Variants in CDKL5 observed in about 807,000 individuals in gnomAD.
CDKL5 encodes the protein cyclin-dependent kinase-like 5.
In CDKL5, 8 loss-of-function variants were observed where a neutral mutation model predicts 61.7. The ratio of observed to expected loss-of-function variants is 0.13; its 90% CI spans 0.08 to 0.23. The LOEUF (loss-of-function observed/expected upper bound fraction) is 0.23, where lower values mean the gene tolerates loss of function less well. Ranked by LOEUF, CDKL5 falls within the 10% of genes least tolerant of loss-of-function variation. The probability of loss-of-function intolerance (pLI) is 1.00; values close to 1 mark genes in which losing one functional copy is unlikely to be tolerated. For missense variants in CDKL5, 440 were observed against 734.5 expected, an observed-to-expected ratio of 0.60 and a Z score of 4.63; for synonymous variants, 275 against 272.3, an observed-to-expected ratio of 1.01 and a Z score of -0.10.
intron 3 of CDKL5, among the ~76,000 whole-genome samples, chrX:18,555,257 G>A (rs1447202678): frequency 9.0e-6 from 1 of 110,841 alleles, no homozygotes; most frequent in Non-Finnish European, 1.9e-5. Flanking sequence ...CAGATGTCTT[G>A]GGGGGAGCAC....
intron 1 of CDKL5, among the ~76,000 whole-genome samples, chrX:18,480,314 A>G (rs1475086073): frequency 9.0e-6 from 1 of 111,360 alleles, no homozygotes; most frequent in Admixed American, 9.6e-5. Flanking sequence ...TTGTGATTAG[A>G]CTGGTGTTGC....
intron 15 of CDKL5, among the ~76,000 whole-genome samples, chrX:18,618,145 A>C (rs1341441449): frequency 8.9e-6 from 1 of 112,212 alleles, no homozygotes; most frequent in East Asian, 2.8e-4. Flanking sequence ...GATGGCAGTC[A>C]TGATGAATAT....
At chrX:18,617,930 A>G (rs1212655525) in intron 15 of CDKL5, among the ~76,000 whole-genome samples, 2 of 111,617 alleles carry the variant, frequency 1.8e-5, no homozygotes, top group African/African-American at 6.5e-5. Flanking sequence ...TGGGGACCCA[A>G]CGATGCAACA....
chrX:18,637,716 C>T lies in CDKL5; in HGVS notation c.*8959C>T, dbSNP rs1413322997. 9.0e-6 allele frequency: 1 copy of T among 111,497 alleles called. No homozygotes were observed. Among genetic ancestry groups the T allele is most frequent in the East Asian group, 2.8e-4 (1 of 3,560 alleles). 9.2% of individuals were successfully genotyped at this position (111,497 alleles called of 1,213,427 possible). On this transcript the variant is annotated 3_prime_UTR_variant, in exon 18 of 18. Coordinates refer to ENST00000623535, the MANE Select transcript of CDKL5 (RefSeq NM_001323289.2). ...AAATGGAGGTAATCACAGTACCTAC[C>T]TCAGTGTTGTTGTGAAGATTTAATG...
chrX:18,526,709 A>G (rs1378849875), intron 3 of CDKL5, among the ~76,000 whole-genome samples: 2 of 110,852 alleles, frequency 1.8e-5, no homozygotes, highest in African/African-American at 3.3e-5. Flanking sequence ...TGATAAGACC[A>G]TGTGATTTTT....
intron 3 of CDKL5, among the ~76,000 whole-genome samples, chrX:18,548,907 A>G (rs990778789): frequency 8.9e-6 from 1 of 112,070 alleles, no homozygotes; most frequent in South Asian, 3.7e-4. Context: ...ACCTTGGTGC[A>G]TTGGCTTTAT....
chrX:18,466,328 A>T (rs190792738), intron 1 of CDKL5, among the ~76,000 whole-genome samples: 1 of 112,209 alleles, frequency 8.9e-6, no homozygotes, highest in Non-Finnish European at 1.9e-5. Flanking sequence ...TTTTTGAGAC[A>T]GTGTTATAAA....
At position 18,493,117 on chromosome X, in the gene CDKL5, T is replaced by G. The variant is rs191173736; in HGVS notation, c.-162-13818T>G. On this transcript the variant is annotated intron_variant, in intron 1 of 17. Coordinates refer to ENST00000623535, the MANE Select transcript of CDKL5 (RefSeq NM_001323289.2). ...GAGCATCCCCCTTCTTCCATGAGTT[T>G]ATGTTGAATTATTCTACAGGCCTCA... 1.3e-4 allele frequency among the ~76,000 whole-genome samples: 14 copies of G among 111,731 alleles called. No individual in the cohort carries two copies. The East Asian group carries it at 3.9e-3, about 32-fold the overall frequency.
In CDKL5 at chrX:18,636,522, T is replaced by G. The variant is rs1473591039; in HGVS notation, c.*7765T>G. Reference sequence around the variant, plus strand: ...GGGCCAGGATTTGAAGCCGAATATGTTCATTGTAAAGCCCATATACCCTTA... The same window carrying G: ...GGGCCAGGATTTGAAGCCGAATATGGTCATTGTAAAGCCCATATACCCTTA... On this transcript the variant is annotated 3_prime_UTR_variant, in exon 18 of 18. Coordinates refer to ENST00000623535, the MANE Select transcript of CDKL5 (RefSeq NM_001323289.2). 9.0e-6 allele frequency: 1 copy of G among 110,635 alleles called. No individual in the cohort carries two copies. 9.1% of individuals were successfully genotyped at this position (110,635 alleles called of 1,213,427 possible).
chrX:18,644,698 C>T, downstream of CDKL5: 1 of 1,057,109 alleles, frequency 9.5e-7, no homozygotes, highest in East Asian at 3.0e-5. Flanking sequence ...GGTGCTGGCT[C>T]TCGAGGGGAT....
intron 20 of CDKL5, chrX:18,647,224 G>A: frequency 8.3e-7 from 1 of 1,210,955 alleles, no homozygotes; most frequent in Non-Finnish European, 1.1e-6. Flanking sequence ...GGCCTTGTTT[G>A]CAGTCCACGA....
At position 18,647,211 on chromosome X, in the gene CDKL5, C is replaced by A. The variant is rs762601581; in HGVS notation, c.2797+1121C>A. ...CTTACCCAAAGCCTTGACTGTTGAG[C>A]CGGGCCTTGTTTGCAGTCCACGAAG... On this transcript the variant is annotated intron_variant, in intron 20 of 21. Transcript: ENST00000379989. 6.6e-6 allele frequency: 8 copies of A among 1,208,782 alleles called. No homozygotes were observed. In the South Asian group the frequency reaches 1.2e-4, roughly 19 times the overall value.
chrX:18,564,549 ATCTG>A (rs1468835881), intron 4 of CDKL5, 27 bp downstream of exon 4: 2 of 535,583 alleles, frequency 3.7e-6, no homozygotes, highest in Admixed American at 5.2e-5. Context: ...ATATATATAT[ATCTG>A]TATATATGTA....
At chrX:18,509,368 G>GTTC (rs1922742185) in intron 2 of CDKL5, among the ~76,000 whole-genome samples, 1 of 110,708 alleles carries the variant, frequency 9.0e-6, no homozygotes, top group Non-Finnish European at 1.9e-5. Flanking sequence ...AAGTTAGATG[G>GTTC]TTATAATGGC....
intron 12 of CDKL5, 47 bp downstream of exon 12, chrX:18,604,915 G>A: frequency 8.4e-7 from 1 of 1,191,652 alleles, no homozygotes; most frequent in Non-Finnish European, 1.1e-6. Flanking sequence ...TCAGGGGAAG[G>A]TGGTACGAGG....
At chrX:18,519,627 G>A (rs2147101288) in intron 3 of CDKL5, among the ~76,000 whole-genome samples, 1 of 111,347 alleles carries the variant, frequency 9.0e-6, no homozygotes, top group Admixed American at 9.6e-5. Context: ...CTGGGTACTG[G>A]GCATACAGAG....
intron 17 of CDKL5, chrX:18,627,006 G>A (rs1319624860): frequency 9.1e-6 from 1 of 110,044 alleles, no homozygotes; most frequent in East Asian, 2.9e-4. Context: ...GCTGAATGCA[G>A]CTTATTGTAA....
At chrX:18,434,882 C>T (rs907411324) in intron 1 of CDKL5, among the ~76,000 whole-genome samples, 1 of 111,619 alleles carries the variant, frequency 9.0e-6, no homozygotes, top group African/African-American at 3.3e-5. Context: ...GAGCCAAGGT[C>T]GCACCACTGT....
chrX:18,540,043 A>G (rs1170278253), intron 3 of CDKL5, among the ~76,000 whole-genome samples: 1 of 112,478 alleles, frequency 8.9e-6, no homozygotes, highest in Non-Finnish European at 1.9e-5. Flanking sequence ...AATCTGATTT[A>G]TGAAACTCAT....
Sources: gnomAD v4.1 joint callset for allele counts (sites outside exome capture counted in the v4.1 genomes callset) on GRCh38, gnomAD v4.1.1 for gene constraint, MANE v1.5 for transcripts, NCBI Gene and HGNC (gene_info 2026-07-23, HGNC 2026-07-21) for gene names.